ATAD2B: variants seen among roughly 807,000 people sequenced by gnomAD.
ATAD2B encodes the protein ATPase family AAA domain containing 2B, also known as ATPase family AAA domain-containing protein 2B.
A neutral mutation model predicts 167.6 loss-of-function variants in ATAD2B; 40 were observed. The observed-to-expected ratio is 0.24, with a 90% confidence interval of 0.19 to 0.31. The LOEUF is 0.31. Among genes scored for constraint, ATAD2B ranks in the 10% least tolerant of loss-of-function variants. The pLI, the probability that ATAD2B is intolerant of heterozygous loss-of-function variation, is 1.00. For missense variants in ATAD2B, 1,242 were observed against 1,757.2 expected (o/e 0.71, Z 5.24); for synonymous variants, 579 against 596.5 (o/e 0.97, Z 0.43).
chr2:23,680,831 C>A, the ATAD2B span, among the ~76,000 whole-genome samples: 3 of 152,108 alleles, frequency 2.0e-5, no homozygotes, highest in African/African-American at 7.2e-5. This position sits in a 1 kb window ranked among gnomAD's most constrained non-coding sequence, Gnocchi z 4.1. Context: ...AGGCCATCAT[C>A]TTCTCCCGCA....
At chr2:23,784,827 A>T (rs577233434) in intron 21 of ATAD2B, among the ~76,000 whole-genome samples, 7 of 152,228 alleles carry the variant, frequency 4.6e-5, no homozygotes, top group African/African-American at 1.7e-4. Context: ...TTAAAAAGCC[A>T]ATTAGGCATG....
At chr2:23,746,787 G>A (rs1290947122), downstream of ATAD2B, among the ~76,000 whole-genome samples, 1 of 152,128 alleles carries the variant, frequency 6.6e-6, no homozygotes. Flanking sequence ...GGAAAAAGCA[G>A]AGTTCCTGGC....
the ATAD2B span, among the ~76,000 whole-genome samples, chr2:23,709,392 T>G: frequency 6.6e-6 from 1 of 152,176 alleles, no homozygotes; most frequent in Admixed American, 6.5e-5. Flanking sequence ...CTCACTGCCT[T>G]CTTCAGTCAT....
chr2:23,781,569 C>A (rs1477955769), intron 22 of ATAD2B, among the ~76,000 whole-genome samples: 1 of 151,466 alleles, frequency 6.6e-6, no homozygotes, highest in African/African-American at 2.4e-5. Flanking sequence ...GGAGGCTGAG[C>A]CAGGAGAATC....
At chr2:23,693,375 C>T in the ATAD2B span, 3 of 1,551,732 alleles carry the variant, frequency 1.9e-6, no homozygotes. Context: ...TGCAGATCTT[C>T]CCCGAGGTGG....
chr2:23,753,714 G>A (rs1229908635), intron 27 of ATAD2B, among the ~76,000 whole-genome samples: 2 of 152,070 alleles, frequency 1.3e-5, no homozygotes, highest in African/African-American at 4.8e-5. Flanking sequence ...AAAATAAGAT[G>A]ACTTTTGAGT....
chr2:23,755,481 C>T (rs1027268797), intron 25 of ATAD2B, among the ~76,000 whole-genome samples: 2 of 152,164 alleles, frequency 1.3e-5, no homozygotes, highest in South Asian at 2.1e-4. Context: ...CTGAGGGGTA[C>T]AAAGGGTGGG....
chr2:23,868,506 T>C (rs1381492897), intron 9 of ATAD2B, among the ~76,000 whole-genome samples: 1 of 152,228 alleles, frequency 6.6e-6, no homozygotes, highest in Admixed American at 6.5e-5. Flanking sequence ...TTGCCTAGGC[T>C]GGTCTCAAAT....
At chr2:23,883,434 TAA>T (rs36046791) in intron 6 of ATAD2B, among the ~76,000 whole-genome samples, 162 of 152,256 alleles carry the variant, frequency 1.1e-3, no homozygotes, top group Non-Finnish European at 1.6e-3. Context: ...TGTACCTAAA[TAA>T]GTTATCTAAA....
chr2:23,768,569 C>T (rs1283847708), intron 22 of ATAD2B, among the ~76,000 whole-genome samples: 1 of 149,650 alleles, frequency 6.7e-6, no homozygotes, highest in Non-Finnish European at 1.5e-5. Flanking sequence ...AAGATCCTGT[C>T]TCCAAAAAAA....
intron 1 of ATAD2B, among the ~76,000 whole-genome samples, chr2:23,904,324 A>G (rs543022570): frequency 6.6e-6 from 1 of 152,312 alleles, no homozygotes; most frequent in Non-Finnish European, 1.5e-5. Context: ...AGACTTTAAC[A>G]GAAGAAAGCT....
chr2:23,845,707 G>A (rs937515055), intron 13 of ATAD2B, among the ~76,000 whole-genome samples: 35 of 149,944 alleles, frequency 2.3e-4, no homozygotes, highest in Admixed American at 1.3e-4. Context: ...AACCTCCCGA[G>A]TAGCTGAGAC....
At chr2:23,798,038 G>C in intron 19 of ATAD2B, 100 bp downstream of exon 19, 1 of 760,762 alleles carries the variant, frequency 1.3e-6, no homozygotes, top group Non-Finnish European at 2.0e-6. Context: ...ATAAACCCTG[G>C]CAGTATTAAT....
At chr2:23,871,716 C>A (rs542091165) in intron 8 of ATAD2B, among the ~76,000 whole-genome samples, 2 of 152,186 alleles carry the variant, frequency 1.3e-5, no homozygotes. Context: ...ATCTGTGCAT[C>A]AGTACTCCAC....
At chr2:23,685,855 C>T in the ATAD2B span, among the ~76,000 whole-genome samples, 2 of 152,294 alleles carry the variant, frequency 1.3e-5, no homozygotes, top group African/African-American at 2.4e-5. Context: ...ATCGGGCTGC[C>T]GGATCATGGA....
At chr2:23,827,342 TGA>T (rs1050509413) in intron 15 of ATAD2B, among the ~76,000 whole-genome samples, 1 of 152,094 alleles carries the variant, frequency 6.6e-6, no homozygotes, top group African/African-American at 2.4e-5. Flanking sequence ...CTGGGAAAAA[TGA>T]GAAGTATTGT....
At chr2:23,738,612 G>C in the ATAD2B span, among the ~76,000 whole-genome samples, 7 of 152,098 alleles carry the variant, frequency 4.6e-5, no homozygotes, top group South Asian at 2.1e-4. Context: ...ATTGTAAAGA[G>C]CATCAAGGCT....
chr2:23,723,662 G>T, the ATAD2B span, among the ~76,000 whole-genome samples: 1 of 152,166 alleles, frequency 6.6e-6, no homozygotes, highest in African/African-American at 2.4e-5. Flanking sequence ...ACACACCATT[G>T]GTGGGAATGC....
At chr2:23,678,940 T>C in the ATAD2B span, among the ~76,000 whole-genome samples, 1 of 151,850 alleles carries the variant, frequency 6.6e-6, no homozygotes, top group Non-Finnish European at 1.5e-5. Context: ...TTAATGGGTG[T>C]GGAGTTTCCG....
Sources: allele counts gnomAD v4.1 joint callset (sites outside exome capture counted in the v4.1 genomes callset), GRCh38; gene constraint gnomAD v4.1.1; non-coding constraint Gnocchi (gnomAD v3.1); transcripts MANE v1.5; gene names NCBI Gene and HGNC (gene_info 2026-07-23, HGNC 2026-07-21).